NBEA: variants seen among roughly 807,000 people sequenced by gnomAD.
The protein encoded by NBEA is lysosomal-trafficking regulator 2.
A neutral mutation model predicts 343.4 loss-of-function variants in NBEA; 44 were observed. The ratio of observed to expected loss-of-function variants is 0.13; its 90% CI spans 0.10 to 0.16. NBEA has a LOEUF of 0.16. Ranked by LOEUF, NBEA falls within the 10% of genes least tolerant of loss-of-function variation. The probability of loss-of-function intolerance (pLI) is 1.00; values close to 1 mark genes in which losing one functional copy is unlikely to be tolerated. For synonymous variants in NBEA, 1,175 were observed against 1,238.7 expected (o/e 0.95, Z 1.08); for missense variants, 2,555 against 3,631.3 (o/e 0.70, Z 7.62).
chr13:35,165,175 A>T (rs1221217609), intron 24 of NBEA: 3 of 525,436 alleles, frequency 5.7e-6, no homozygotes, highest in Non-Finnish European at 1.2e-5. Context: ...TTTTACTAAG[A>T]TGTGCTTTAG....
At chr13:35,096,982 A>T (rs189909381) in intron 10 of NBEA, among the ~76,000 whole-genome samples, 1 of 152,004 alleles carries the variant, frequency 6.6e-6, no homozygotes, top group East Asian at 1.9e-4. Flanking sequence ...TGGTTTAAGG[A>T]TATAGGATCA....
chr13:35,122,401 T>A (rs2066851663), intron 16 of NBEA, among the ~76,000 whole-genome samples: 1 of 151,858 alleles, frequency 6.6e-6, no homozygotes, highest in Non-Finnish European at 1.5e-5. Context: ...TAAAAAATGA[T>A]GAGTTCATGT....
At chr13:35,446,279 G>A (rs1470409484) in intron 39 of NBEA, among the ~76,000 whole-genome samples, 2 of 151,976 alleles carry the variant, frequency 1.3e-5, no homozygotes, top group South Asian at 2.1e-4. Context: ...ATAAACATAC[G>A]TGTGCATGTG....
At chr13:35,264,219 G>C (rs1201519663) in intron 34 of NBEA, among the ~76,000 whole-genome samples, 1 of 151,272 alleles carries the variant, frequency 6.6e-6, no homozygotes, top group African/African-American at 2.4e-5. Context: ...TGAAGAAATA[G>C]AAAATCTGAA....
At chr13:35,092,984 C>T (rs1321591523) in intron 10 of NBEA, among the ~76,000 whole-genome samples, 1 of 151,902 alleles carries the variant, frequency 6.6e-6, no homozygotes, top group Admixed American at 6.6e-5. Context: ...GTGGTACATC[C>T]ATTAATACTC....
chr13:34,969,943 C>T (rs1261253450), intron 1 of NBEA, among the ~76,000 whole-genome samples: 3 of 152,112 alleles, frequency 2.0e-5, no homozygotes, highest in Non-Finnish European at 4.4e-5. Context: ...AGTGGCATTT[C>T]TGTCTTTAGG....
chr13:35,090,721 TA>T (rs1387349387), intron 10 of NBEA, among the ~76,000 whole-genome samples: 1 of 151,800 alleles, frequency 6.6e-6, no homozygotes. Flanking sequence ...TCAGTAAGAA[TA>T]CAAAAAAATC....
intron 34 of NBEA, among the ~76,000 whole-genome samples, chr13:35,266,741 A>G (rs2033715079): frequency 6.6e-6 from 1 of 151,862 alleles, no homozygotes; most frequent in Admixed American, 6.6e-5. Flanking sequence ...CAATTAGATA[A>G]GAGGAATAAT....
chr13:35,128,133 C>T (rs571117576), intron 17 of NBEA, among the ~76,000 whole-genome samples: 10 of 149,986 alleles, frequency 6.7e-5, no homozygotes, highest in Non-Finnish European at 1.3e-4. Flanking sequence ...ACACCTAATG[C>T]GAGATGATGA....
intron 34 of NBEA, among the ~76,000 whole-genome samples, chr13:35,265,387 A>G (rs187638680): frequency 2.0e-5 from 3 of 152,088 alleles, no homozygotes; most frequent in Admixed American, 2.0e-4. Context: ...TATGTATGGA[A>G]CCACAGAAGA....
chr13:35,584,706 G>T (rs1236397165), intron 46 of NBEA, among the ~76,000 whole-genome samples: 1 of 151,856 alleles, frequency 6.6e-6, no homozygotes, highest in Admixed American at 6.6e-5. Context: ...CACCATGTTG[G>T]CCAGGCTGGT....
At chr13:35,160,239 C>G (rs1408034041) in intron 22 of NBEA, among the ~76,000 whole-genome samples, 1 of 152,114 alleles carries the variant, frequency 6.6e-6, no homozygotes, top group Non-Finnish European at 1.5e-5. Flanking sequence ...CTGCCACATT[C>G]TTCTGTGTAA....
At chr13:35,081,109 G>A (rs2064369735) in intron 10 of NBEA, among the ~76,000 whole-genome samples, 1 of 152,118 alleles carries the variant, frequency 6.6e-6, no homozygotes, top group Non-Finnish European at 1.5e-5. Flanking sequence ...ATGGCTTGCT[G>A]CTGGAAGGCC....
At chr13:35,144,372 G>T (rs1363578165) in intron 18 of NBEA, among the ~76,000 whole-genome samples, 1 of 152,118 alleles carries the variant, frequency 6.6e-6, no homozygotes, top group Non-Finnish European at 1.5e-5. Context: ...TTATGGTGCT[G>T]GTGAGTGTGT....
chr13:35,243,957 T>C (rs896357733), intron 34 of NBEA, among the ~76,000 whole-genome samples: 5 of 152,050 alleles, frequency 3.3e-5, no homozygotes, highest in Admixed American at 2.0e-4. Context: ...TTTTCTAAAA[T>C]GCATATGGAG....
At chr13:35,032,952 A>C (rs1378061185) in intron 1 of NBEA, among the ~76,000 whole-genome samples, 1 of 151,534 alleles carries the variant, frequency 6.6e-6, no homozygotes, top group Non-Finnish European at 1.5e-5. Context: ...CATTCTCTGG[A>C]TTGTCTCTTC....
At chr13:35,357,795 C>G (rs982729832) in intron 38 of NBEA, among the ~76,000 whole-genome samples, 3 of 151,924 alleles carry the variant, frequency 2.0e-5, no homozygotes, top group African/African-American at 7.3e-5. Flanking sequence ...TGAATAGTTT[C>G]TACTAAATTG....
At chr13:35,624,658 T>G (rs535235246) in intron 48 of NBEA, among the ~76,000 whole-genome samples, 1 of 151,628 alleles carries the variant, frequency 6.6e-6, no homozygotes, top group South Asian at 2.1e-4. Flanking sequence ...ATAAGATAAT[T>G]AAGATAAGGT....
At chr13:35,184,216 T>C in intron 30 of NBEA, 145 bp downstream of exon 30, 1 of 527,918 alleles carries the variant, frequency 1.9e-6, no homozygotes, top group Non-Finnish European at 3.3e-6. Context: ...TATACCTAGC[T>C]ATTGAGAGCG....
Sources: gnomAD v4.1 joint callset for allele counts (sites outside exome capture counted in the v4.1 genomes callset) on GRCh38, gnomAD v4.1.1 for gene constraint, MANE v1.5 for transcripts, NCBI Gene and HGNC (gene_info 2026-07-23, HGNC 2026-07-21) for gene names.